Variants in RABGAP1L observed in about 807,000 individuals in gnomAD.
The protein encoded by RABGAP1L is RAB GTPase activating protein 1 like, also known as rab GTPase-activating protein 1-like.
RABGAP1L carries 63 observed loss-of-function variants against 137.7 expected under a neutral mutation model. That is an observed-to-expected ratio of 0.46 (90% CI 0.37 to 0.56). RABGAP1L has a LOEUF of 0.56. Ranked by LOEUF, RABGAP1L falls within the 20% of genes least tolerant of loss-of-function variation. The probability of loss-of-function intolerance (pLI) is 0.00; values close to 1 mark genes in which losing one functional copy is unlikely to be tolerated. For missense variants in RABGAP1L, 1,095 were observed against 1,244.0 expected (o/e 0.88, Z 1.80); for synonymous variants, 431 against 433.7 (o/e 0.99, Z 0.08).
chr1:174,719,854 C>T (rs1243304513), intron 17 of RABGAP1L, among the ~76,000 whole-genome samples: 1 of 151,968 alleles, frequency 6.6e-6, no homozygotes, highest in Non-Finnish European at 1.5e-5. Flanking sequence ...GGAGTGACTC[C>T]AAATCATAAT....
chr1:174,433,007 G>A (rs775384589), intron 13 of RABGAP1L, among the ~76,000 whole-genome samples: 3 of 152,174 alleles, frequency 2.0e-5, no homozygotes, highest in Non-Finnish European at 2.9e-5. Flanking sequence ...AAAATAATAT[G>A]CTTATCTTAC....
In RABGAP1L at chr1:174,201,884, G is replaced by A. The variant is rs547035458; in HGVS notation, c.-33-17241G>A. Among the ~76,000 whole-genome samples the A allele has an allele frequency of 8.3e-5, 12 of 144,318 alleles. No individual in the cohort carries two copies. The South Asian group carries it at 1.7e-3, about 21-fold the overall frequency. 94.7% of individuals were successfully genotyped at this position (144,318 alleles called of 152,430 possible). A position where few individuals can be genotyped will look rare whatever the true frequency, so the allele number is the denominator to read the frequency against. On this transcript the variant is annotated intron_variant, in intron 1 of 25. Coordinates refer to ENST00000681986, the MANE Select transcript of RABGAP1L (RefSeq NM_001366446.1). The stretch of plus-strand genomic sequence containing the variant: ...TTCTCATTGTTCAATTCCCACCTAC[G>A]AGTGAGAACATGCGGTGTTTGATTC...
chr1:174,527,364 C>T (rs1230682706), intron 13 of RABGAP1L, among the ~76,000 whole-genome samples: 3 of 151,740 alleles, frequency 2.0e-5, no homozygotes, highest in South Asian at 2.1e-4. Flanking sequence ...CACCATGCCC[C>T]GTGAATTTTT....
At chr1:174,791,068 G>T (rs1687820623) in intron 18 of RABGAP1L, among the ~76,000 whole-genome samples, 1 of 151,918 alleles carries the variant, frequency 6.6e-6, no homozygotes, top group Non-Finnish European at 1.5e-5. Context: ...GCACGTGCCT[G>T]TAATCTCAGC....
chr1:174,338,682 T>A (rs1325667689), intron 11 of RABGAP1L, among the ~76,000 whole-genome samples: 2 of 151,784 alleles, frequency 1.3e-5, no homozygotes, highest in African/African-American at 2.4e-5. Context: ...TTAATAATAT[T>A]TATTTATTGC....
At chr1:174,712,106 C>G (rs930980495) in intron 17 of RABGAP1L, among the ~76,000 whole-genome samples, 8 of 152,180 alleles carry the variant, frequency 5.3e-5, no homozygotes, top group African/African-American at 1.9e-4. Flanking sequence ...TCAAAACGGA[C>G]CAATCGGCTC....
intron 11 of RABGAP1L, among the ~76,000 whole-genome samples, chr1:174,368,688 AG>A: frequency 2.0e-5 from 3 of 152,294 alleles, no homozygotes; most frequent in African/African-American, 7.2e-5. Context: ...TAGTGAAAAT[AG>A]CCATTTGTCA....
At chr1:174,406,982 C>G (rs1193567654) in intron 13 of RABGAP1L, among the ~76,000 whole-genome samples, 2 of 152,300 alleles carry the variant, frequency 1.3e-5, no homozygotes, top group Middle Eastern at 3.4e-3. Context: ...TTGACATTAG[C>G]ACATATTTCT....
At chr1:174,374,006 A>C (rs957534974) in intron 12 of RABGAP1L, among the ~76,000 whole-genome samples, 2 of 152,286 alleles carry the variant, frequency 1.3e-5, no homozygotes, top group South Asian at 4.1e-4. Flanking sequence ...ATAGAGATTT[A>C]TTTATTAGGA....
intron 12 of RABGAP1L, among the ~76,000 whole-genome samples, chr1:174,373,614 C>T (rs1685282115): frequency 6.6e-6 from 1 of 152,138 alleles, no homozygotes; most frequent in East Asian, 1.9e-4. Flanking sequence ...TGAAGAGATA[C>T]CCAGATCTTG....
chr1:174,759,576 CAG>C (rs771122954), intron 18 of RABGAP1L, among the ~76,000 whole-genome samples: 2 of 146,496 alleles, frequency 1.4e-5, no homozygotes, highest in South Asian at 4.3e-4. Context: ...GCCTGGGCAA[CAG>C]AGTGAGACTC....
intron 13 of RABGAP1L, among the ~76,000 whole-genome samples, chr1:174,572,452 C>A (rs1220815551): frequency 6.6e-6 from 1 of 152,108 alleles, no homozygotes; most frequent in African/African-American, 2.4e-5. Context: ...GTGGTACAAT[C>A]TTGGCTCACT....
intron 17 of RABGAP1L, among the ~76,000 whole-genome samples, chr1:174,709,959 G>C (rs1680355666): frequency 6.6e-6 from 1 of 152,218 alleles, no homozygotes; most frequent in South Asian, 2.1e-4. Context: ...CTAGTTTAGA[G>C]AAGAACATAA....
intron 10 of RABGAP1L, among the ~76,000 whole-genome samples, chr1:174,287,617 C>T (rs1017853502): frequency 1.8e-4 from 27 of 152,074 alleles, no homozygotes; most frequent in Non-Finnish European, 3.5e-4. Context: ...CTCAGCCCCC[C>T]GAGTAGCTGG....
At position 174,366,613 on chromosome 1, in the gene RABGAP1L, T is replaced by C. The variant is rs533011758; in HGVS notation, c.1466-4366T>C. ...GGTGAAACCTCATCTCTACTAAAAA[T>C]ATAAAAAAAAAATTAGCCGGGTTTG... On this transcript the variant is annotated intron_variant, in intron 11 of 25. Transcript: ENST00000681986. Among the ~76,000 whole-genome samples, 235 of 150,660 alleles carry C rather than the reference T, an allele frequency of 1.6e-3. 1 individual carries two copies. Among genetic ancestry groups the C allele is most frequent in the Non-Finnish European group, 2.4e-3 (162 of 67,606 alleles).
intron 19 of RABGAP1L, among the ~76,000 whole-genome samples, chr1:174,843,413 T>G (rs1351273263): frequency 2.7e-5 from 4 of 150,678 alleles, no homozygotes; most frequent in Non-Finnish European, 5.9e-5. Flanking sequence ...GAGTGTGATA[T>G]TCCCCTTCCT....
rs1338279445 is a variant in RABGAP1L, at chr1:174,990,620, T to TAC, written c.*619_*620insAC. The TAC allele has an allele frequency of 6.6e-6, 1 of 152,222 alleles. No individual in the cohort carries two copies. The highest frequency in any genetic ancestry group is 1.5e-5 in the Non-Finnish European group (1 of 68,052). 9.4% of individuals were successfully genotyped at this position (152,222 alleles called of 1,614,324 possible). ...GAAGTGCCAGGAATAGACGGGCTGT[T>TAC]CAGATTATACGCTAGGTAAAAGGAA... On this transcript the variant is annotated 3_prime_UTR_variant, in exon 26 of 26. Transcript: ENST00000681986.
At chr1:174,879,807 C>T (rs1023240844) in intron 19 of RABGAP1L, among the ~76,000 whole-genome samples, 9 of 152,066 alleles carry the variant, frequency 5.9e-5, no homozygotes, top group Non-Finnish European at 1.2e-4. Flanking sequence ...CTGTAATATA[C>T]TCAGCCAGGT....
intron 13 of RABGAP1L, among the ~76,000 whole-genome samples, chr1:174,606,791 T>A (rs908816103): frequency 6.6e-5 from 10 of 152,214 alleles, no homozygotes; most frequent in Admixed American, 6.5e-4. Flanking sequence ...ACAGCTGAGA[T>A]CAGATTTTTC....
Sources: allele counts gnomAD v4.1 joint callset (sites outside exome capture counted in the v4.1 genomes callset), GRCh38; gene constraint gnomAD v4.1.1; transcripts MANE v1.5; gene names NCBI Gene and HGNC (gene_info 2026-07-23, HGNC 2026-07-21).